Variants in KAT2B observed in about 807,000 individuals in gnomAD.
The protein encoded by KAT2B is histone acetyltransferase KAT2B.
Under a neutral mutation model 105.9 loss-of-function variants are expected in KAT2B, and 36 were observed. That is an observed-to-expected ratio of 0.34 (90% CI 0.26 to 0.45). KAT2B has a LOEUF of 0.45. KAT2B is among the 20% of genes least tolerant of loss of function. The pLI is 1.00. For missense variants in KAT2B, 820 were observed against 1,021.6 expected, an observed-to-expected ratio of 0.80 and a Z score of 2.69; for synonymous variants, 397 against 377.9, an observed-to-expected ratio of 1.05 and a Z score of -0.59.
At chr3:20,062,216 T>TAA (rs1698137277) in intron 1 of KAT2B, among the ~76,000 whole-genome samples, 1 of 65,180 alleles carries the variant, frequency 1.5e-5, no homozygotes, top group African/African-American at 6.0e-5. Context: ...ATAAAATATA[T>TAA]TATATATAAA....
intron 1 of KAT2B, among the ~76,000 whole-genome samples, chr3:20,063,992 T>G (rs1698183684): frequency 1.3e-5 from 2 of 152,186 alleles, no homozygotes; most frequent in Non-Finnish European, 1.5e-5. Context: ...CTCTATTGAA[T>G]GGTCTTGGCA....
chr3:20,112,971 A>G (rs1253672937), intron 6 of KAT2B, among the ~76,000 whole-genome samples: 1 of 152,218 alleles, frequency 6.6e-6, no homozygotes, highest in African/African-American at 2.4e-5. Context: ...CCTTAGATAG[A>G]TGTCATGGGT....
chr3:20,076,901 T>C (rs1393922069), intron 2 of KAT2B, among the ~76,000 whole-genome samples: 1 of 152,218 alleles, frequency 6.6e-6, no homozygotes, highest in Non-Finnish European at 1.5e-5. Flanking sequence ...CCAGTAATTG[T>C]ACACACGAAA....
At chr3:20,079,546 T>A (rs983940338) in intron 2 of KAT2B, among the ~76,000 whole-genome samples, 4 of 152,206 alleles carry the variant, frequency 2.6e-5, no homozygotes, top group Admixed American at 2.0e-4. Flanking sequence ...GAGTTAGCTT[T>A]AACAATCACA....
intron 11 of KAT2B, among the ~76,000 whole-genome samples, chr3:20,128,959 A>AT (rs1011805829): frequency 2.0e-5 from 3 of 147,464 alleles, no homozygotes; most frequent in African/African-American, 7.5e-5. Flanking sequence ...GTGAGCCAAG[A>AT]TCACAGCACT....
intron 7 of KAT2B, among the ~76,000 whole-genome samples, chr3:20,118,987 G>A (rs372035791): frequency 2.0e-5 from 3 of 151,756 alleles, no homozygotes; most frequent in Admixed American, 2.0e-4. Context: ...TTTGCCTCTT[G>A]TCTCAATAAT....
intron 1 of KAT2B, among the ~76,000 whole-genome samples, chr3:20,064,982 T>C (rs897343065): frequency 8.5e-5 from 13 of 152,222 alleles, no homozygotes; most frequent in African/African-American, 3.1e-4. Context: ...CTGCGTGAAC[T>C]GTGAGCTCTC....
intron 1 of KAT2B, among the ~76,000 whole-genome samples, chr3:20,048,386 C>G (rs1280135156): frequency 1.3e-5 from 2 of 152,110 alleles, no homozygotes; most frequent in African/African-American, 4.8e-5. Context: ...GAAGTGTGTG[C>G]TTGGAAATAG....
At chr3:20,142,746 A>G (rs914144542) in intron 13 of KAT2B, among the ~76,000 whole-genome samples, 6 of 142,708 alleles carry the variant, frequency 4.2e-5, no homozygotes, top group Non-Finnish European at 8.0e-5. Context: ...TGAAATCTGC[A>G]TTAGCAGAGG....
At chr3:20,144,989 G>T (rs971520325) in intron 13 of KAT2B, among the ~76,000 whole-genome samples, 1 of 151,772 alleles carries the variant, frequency 6.6e-6, no homozygotes, top group Non-Finnish European at 1.5e-5. Flanking sequence ...TAGAAATGGG[G>T]TTTCACCGTG....
chr3:20,119,995 G>T (rs936530180), intron 8 of KAT2B, among the ~76,000 whole-genome samples: 2 of 152,150 alleles, frequency 1.3e-5, no homozygotes, highest in Non-Finnish European at 2.9e-5. Context: ...GGCTGGGCTT[G>T]GTTGCAAGTT....
chr3:20,089,546 G>A (rs1226149029), intron 2 of KAT2B, among the ~76,000 whole-genome samples: 4 of 151,812 alleles, frequency 2.6e-5, no homozygotes, highest in Admixed American at 6.6e-5. Context: ...GATTACAGGC[G>A]TGCGCCACCA....
At chr3:20,101,055 C>T (rs925723992) in intron 4 of KAT2B, 12 of 509,516 alleles carry the variant, frequency 2.4e-5, no homozygotes, top group African/African-American at 1.9e-4. Flanking sequence ...TTTCAGCAGG[C>T]GTAGAATCAC....
intron 2 of KAT2B, among the ~76,000 whole-genome samples, chr3:20,084,428 C>T (rs1485069730): frequency 6.6e-6 from 1 of 152,170 alleles, no homozygotes; most frequent in Non-Finnish European, 1.5e-5. Flanking sequence ...AAGTTACTCA[C>T]CCTTTGTACA....
intron 2 of KAT2B, among the ~76,000 whole-genome samples, chr3:20,078,201 TA>T (rs1324519497): frequency 6.6e-6 from 1 of 151,410 alleles, no homozygotes; most frequent in Non-Finnish European, 1.5e-5. Flanking sequence ...AATAAATAAA[TA>T]AATAAAAAGG....
chr3:20,113,733 A>G (rs977898150), intron 6 of KAT2B, among the ~76,000 whole-genome samples: 1 of 152,138 alleles, frequency 6.6e-6, no homozygotes, highest in African/African-American at 2.4e-5. Context: ...GCTTCCCAGC[A>G]CCCAGGGAGG....
chr3:20,053,251 A>G (rs962033074), intron 1 of KAT2B, among the ~76,000 whole-genome samples: 4 of 151,970 alleles, frequency 2.6e-5, no homozygotes, highest in African/African-American at 9.7e-5. Context: ...AAGGCCAGGA[A>G]TGTGGCTCAC....
At chr3:20,058,736 G>A (rs1389172840) in intron 1 of KAT2B, among the ~76,000 whole-genome samples, 1 of 152,180 alleles carries the variant, frequency 6.6e-6, no homozygotes, top group Non-Finnish European at 1.5e-5. Flanking sequence ...TTGTCACACA[G>A]TGGAGGAAGA....
intron 2 of KAT2B, among the ~76,000 whole-genome samples, chr3:20,090,502 A>G (rs935178667): frequency 2.6e-5 from 4 of 152,124 alleles, no homozygotes; most frequent in Non-Finnish European, 4.4e-5. Context: ...TGCTGTATCA[A>G]TTTATTGCTG....
Sources: allele counts gnomAD v4.1 joint callset (sites outside exome capture counted in the v4.1 genomes callset), GRCh38; gene constraint gnomAD v4.1.1; transcripts MANE v1.5; gene names NCBI Gene and HGNC (gene_info 2026-07-23, HGNC 2026-07-21).